Variants in SUPT6H observed in about 807,000 individuals in gnomAD.
The protein encoded by SUPT6H is transcription elongation factor SPT6.
In SUPT6H, 11 loss-of-function variants were observed where a neutral mutation model predicts 222.3. The observed-to-expected ratio is 0.05, with a 90% CI of 0.03 to 0.08. SUPT6H has a LOEUF of 0.08. SUPT6H is among the 10% of genes least tolerant of loss of function. The pLI is 1.00. For synonymous variants in SUPT6H, 762 were observed against 801.2 expected (o/e 0.95, Z 0.83); for missense variants, 1,422 against 2,216.0 (o/e 0.64, Z 7.19).
chr17:28,696,934 A>G lies in SUPT6H; in HGVS notation c.4061A>G (p.Asp1354Gly). 3 of 1,614,022 alleles carry G rather than the reference A, an allele frequency of 1.9e-6. No individual in the cohort carries two copies. The highest frequency in any genetic ancestry group is 2.5e-6 in the Non-Finnish European group (3 of 1,180,016). ...ATGATGGAGACCATGGACCAGGGTG[A>G]TGTGATTATCCGACCAAGCAGCAAG... is the stretch of plus-strand genomic sequence containing the variant. ...EKMMETMDQG[D>G]VIIRPSSKGE... The change falls in exon 30 of 37, where the codon GAT becomes GGT. Residue 1354 changes from aspartate to glycine, a missense_variant. Physicochemically the swap from Asp to Gly is moderately conservative, Grantham distance 94. Coordinates refer to ENST00000314616, the MANE Select transcript of SUPT6H (RefSeq NM_003170.5).
intron 17 of SUPT6H, 125 bp from the exon 18 acceptor site, chr17:28,684,459 AAC>A: frequency 8.6e-7 from 1 of 1,160,078 alleles, no homozygotes; most frequent in South Asian, 1.5e-5. Flanking sequence ...AATGGCTAGG[AAC>A]ATCTGCACAT....
rs756072096 is a variant in SUPT6H, at chr17:28,693,753, C to T, written c.3691C>T (p.Arg1231Trp). 65 of 1,614,074 alleles carry T rather than the reference C, an allele frequency of 4.0e-5. 1 individual carries two copies. The highest frequency in any genetic ancestry group is 2.7e-4 in the South Asian group (25 of 91,092). Residue 1231 changes from arginine to tryptophan, a missense_variant, in exon 28 of 37, where the codon CGG (arginine) becomes TGG (tryptophan). Coordinates refer to ENST00000314616, the MANE Select transcript of SUPT6H (RefSeq NM_003170.5). ...AGGCCAGGCCATCGGTGTCAAAACA[C>T]GGCTAGACAATGGTGTCACCGGCTT... The part of the protein sequence containing the change: ...CPGQAIGVKT[R>W]LDNGVTGFIP...
Position 28,681,827 on chromosome 17 carries a change from TC to T in SUPT6H, c.1499-53del. 9.4e-6 allele frequency: 14 copies of T among 1,493,102 alleles called. No individual in the cohort carries two copies. In the South Asian group the frequency reaches 1.6e-4, roughly 17 times the overall value. 92.5% of individuals were successfully genotyped at this position (1,493,102 alleles called of 1,614,324 possible). On this transcript the variant is annotated intron_variant, in intron 12 of 36. Coordinates refer to ENST00000314616, the MANE Select transcript of SUPT6H (RefSeq NM_003170.5). Reference sequence around the variant, plus strand: ...GAGGCTTCTCTCCTAATGTGTCAGATCCTTGGGAGTGATTGGAAACTAGAAC... The same window carrying T: ...GAGGCTTCTCTCCTAATGTGTCAGATCTTGGGAGTGATTGGAAACTAGAAC...
At chr17:28,676,003 A>G (rs1165653512) in intron 6 of SUPT6H, among the ~76,000 whole-genome samples, 154 bp from the exon 7 acceptor site, 2 of 152,186 alleles carry the variant, frequency 1.3e-5, no homozygotes, top group South Asian at 2.1e-4. Context: ...ATATCCGCCA[A>G]TGAAGCCTTT....
intron 1 of SUPT6H, among the ~76,000 whole-genome samples, chr17:28,667,511 AT>A: frequency 6.8e-6 from 1 of 146,620 alleles, no homozygotes. Flanking sequence ...GTATATATAT[AT>A]AAATACGTGT....
rs1435486375 is a variant in SUPT6H at position 28,683,029 on chromosome 17, G to T, written c.1815G>T (p.Val605=). The T allele has an allele frequency of 6.2e-7, 1 of 1,613,826 alleles. No individual in the cohort carries two copies. Among genetic ancestry groups the T allele is most frequent in the Non-Finnish European group, 8.5e-7 (1 of 1,179,950 alleles). Residue 605 remains valine, a synonymous_variant, in exon 15 of 37, where the codon GTG becomes GTT. Coordinates refer to ENST00000314616, the MANE Select transcript of SUPT6H (RefSeq NM_003170.5). ...CCCGTGAGCCCCTTGTCCGGCAGGT[G>T]CTGAGGCAAACCTTCCAAGAGAGAG... The part of the protein sequence containing the change: ...QIAREPLVRQ[V]LRQTFQERAK...
In SUPT6H at chr17:28,684,687, G is replaced by C. The variant is rs989903505; in HGVS notation, c.2331G>C (p.Lys777Asn). Reference protein sequence around the residue: ...DDDFMDENQGKGIRVLGIAFS... With the variant: ...DDDFMDENQGNGIRVLGIAFS... ...ACTTTATGGACGAGAACCAAGGGAA[G>C]GGCATTCGAGTCCTCGGCATTGCTT... is the stretch of plus-strand genomic sequence containing the variant. The change falls in exon 18 of 37, where the codon AAG becomes AAC. Residue 777 changes from lysine to asparagine, a missense_variant. Lys to Asn is a moderately conservative substitution (Grantham distance 94). Coordinates refer to ENST00000314616, the MANE Select transcript of SUPT6H (RefSeq NM_003170.5). 2.6e-5 allele frequency: 42 copies of C among 1,614,088 alleles called. No individual in the cohort carries two copies. The highest frequency in any genetic ancestry group is 3.6e-5 in the Non-Finnish European group (42 of 1,180,050).
At chr17:28,666,932 T>C (rs1377516250) in intron 1 of SUPT6H, among the ~76,000 whole-genome samples, 1 of 152,134 alleles carries the variant, frequency 6.6e-6, no homozygotes, top group Non-Finnish European at 1.5e-5. Context: ...TAATTAGGTT[T>C]TCAGGGTTTT....
chr17:28,676,551 G>A (rs1282419663), intron 7 of SUPT6H, 121 bp downstream of exon 7: 3 of 1,458,312 alleles, frequency 2.1e-6, no homozygotes, highest in African/African-American at 1.4e-5. Context: ...CTCACCTGGG[G>A]CCTGGGAAAT....
chr17:28,668,384 G>A (rs553898734), intron 1 of SUPT6H, among the ~76,000 whole-genome samples: 1 of 152,296 alleles, frequency 6.6e-6, no homozygotes, highest in Non-Finnish European at 1.5e-5. Context: ...AGACTGCAGT[G>A]CTACTGCAGT....
At chr17:28,701,331 A>T in intron 36 of SUPT6H, 108 bp from the exon 37 acceptor site, 1 of 1,456,952 alleles carries the variant, frequency 6.9e-7, no homozygotes, top group Non-Finnish European at 9.3e-7. Flanking sequence ...ATCCCAGTAG[A>T]GGGGCTGCTG....
At chr17:28,690,828 G>A (rs1402751848) in intron 26 of SUPT6H, 93 bp from the exon 27 acceptor site, 3 of 1,406,346 alleles carry the variant, frequency 2.1e-6, no homozygotes, top group Non-Finnish European at 2.9e-6. Context: ...AGGATGGGAA[G>A]GAAGTCAGAT....
intron 29 of SUPT6H, 49 bp from the exon 30 acceptor site, chr17:28,696,795 A>C: frequency 6.4e-7 from 1 of 1,552,748 alleles, no homozygotes; most frequent in South Asian, 1.1e-5. Context: ...TGTTGCTGCC[A>C]GCTCCTAGCC....
At chr17:28,681,663 A>T (rs1014417220) in intron 12 of SUPT6H, among the ~76,000 whole-genome samples, 1 of 151,354 alleles carries the variant, frequency 6.6e-6, no homozygotes, top group African/African-American at 2.4e-5. Context: ...CAGTGAGTTG[A>T]GATCATGCCA....
Position 28,688,047 on chromosome 17 carries a change from G to C in SUPT6H, c.3007-44G>C. The C allele has an allele frequency of 6.4e-7, 1 of 1,552,928 alleles. No homozygotes were observed. The highest frequency in any genetic ancestry group is 8.7e-7 in the Non-Finnish European group (1 of 1,147,034). ...AGAGACTGGAACAGTCTGGGGAGGT[G>C]GGGCCTGCTTACTGCCCTGGCTCAG... On this transcript the variant is annotated intron_variant, in intron 23 of 36. Coordinates refer to ENST00000314616, the MANE Select transcript of SUPT6H (RefSeq NM_003170.5). This position sits in a 1 kb window ranked among gnomAD's most constrained non-coding sequence, Gnocchi z 4.3.
At chr17:28,698,372 C>T (rs1274737050) in intron 32 of SUPT6H, among the ~76,000 whole-genome samples, 3 of 152,238 alleles carry the variant, frequency 2.0e-5, no homozygotes, top group Non-Finnish European at 4.4e-5. Context: ...CCACCTGCCT[C>T]ACCCTCACCA....
At position 28,700,168 on chromosome 17, in the gene SUPT6H, T is replaced by A; in HGVS notation, c.4562-5T>A. 1.9e-6 allele frequency: 3 copies of A among 1,614,220 alleles called. No individual in the cohort carries two copies. Among genetic ancestry groups the A allele is most frequent in the Non-Finnish European group, 1.7e-6 (2 of 1,180,020 alleles). ...GGGATGTAACTAAATAATCACTTCC[T>A]GCAGGCATCACCCCTAGCAGCAGCA... On this transcript the variant is annotated splice_polypyrimidine_tract_variant and splice_region_variant and intron_variant, in intron 33 of 36. Transcript: ENST00000314616.
intron 24 of SUPT6H, 108 bp from the exon 25 acceptor site, chr17:28,689,246 G>A: frequency 1.0e-6 from 1 of 971,610 alleles, no homozygotes; most frequent in South Asian, 1.5e-5. Context: ...GTATTCCATT[G>A]TATGGAGGTG....
intron 28 of SUPT6H, 74 bp downstream of exon 28, chr17:28,693,910 G>C: frequency 6.3e-7 from 1 of 1,591,426 alleles, no homozygotes; most frequent in Non-Finnish European, 8.6e-7. Flanking sequence ...ACTTTGGGCT[G>C]TCCCCACCAG....
Sources: allele counts gnomAD v4.1 joint callset (sites outside exome capture counted in the v4.1 genomes callset), GRCh38; gene constraint gnomAD v4.1.1; non-coding constraint Gnocchi (gnomAD v3.1); transcripts MANE v1.5; gene names NCBI Gene and HGNC (gene_info 2026-07-23, HGNC 2026-07-21).